Variants in CNTN5 observed in about 807,000 individuals in gnomAD.
CNTN5 encodes the protein contactin 5, also known as contactin-5.
In CNTN5, 77 loss-of-function variants were observed where a neutral mutation model predicts 129.1. The observed-to-expected ratio is 0.60, with a 90% confidence interval of 0.50 to 0.72. The LOEUF (loss-of-function observed/expected upper bound fraction) is 0.72, where lower values mean the gene tolerates loss of function less well. Among genes scored for constraint, CNTN5 ranks in the 30% least tolerant of loss-of-function variants. CNTN5 has a pLI of 0.00. For synonymous variants in CNTN5, 509 were observed against 465.6 expected (o/e 1.09, Z -1.20); for missense variants, 1,478 against 1,328.8 (o/e 1.11, Z -1.75).
At chr11:99,502,207 A>G (rs1188532506) in intron 2 of CNTN5, among the ~76,000 whole-genome samples, 5 of 152,238 alleles carry the variant, frequency 3.3e-5, no homozygotes, top group Non-Finnish European at 7.3e-5. Context: ...GAGGGTGAGA[A>G]AAACAGTACA....
intron 15 of CNTN5, among the ~76,000 whole-genome samples, chr11:100,194,788 G>A (rs1948592158): frequency 6.6e-6 from 1 of 151,856 alleles, no homozygotes; most frequent in Admixed American, 6.6e-5. Context: ...CTTAGAATTT[G>A]GTAAATGTAT....
At chr11:99,108,731 C>T (rs1857638865) in intron 1 of CNTN5, among the ~76,000 whole-genome samples, 2 of 152,018 alleles carry the variant, frequency 1.3e-5, no homozygotes, top group African/African-American at 2.4e-5. Context: ...AATTTTTTAA[C>T]ATTGACAACT....
At chr11:99,638,413 C>A (rs533322908) in intron 3 of CNTN5, among the ~76,000 whole-genome samples, 1 of 152,136 alleles carries the variant, frequency 6.6e-6, no homozygotes, top group East Asian at 1.9e-4. Context: ...CATGTCCTTG[C>A]GTTTCAAAAC....
At chr11:99,847,319 CT>C (rs1417140177) in intron 6 of CNTN5, among the ~76,000 whole-genome samples, 1 of 152,210 alleles carries the variant, frequency 6.6e-6, no homozygotes, top group Non-Finnish European at 1.5e-5. Flanking sequence ...GAAGTGATGA[CT>C]TTGGCAGCAG....
At chr11:100,114,870 T>A (rs770334348) in intron 13 of CNTN5, among the ~76,000 whole-genome samples, 1 of 152,062 alleles carries the variant, frequency 6.6e-6, no homozygotes, top group East Asian at 1.9e-4. Context: ...TACTCTCAAA[T>A]GTTTTTGTGA....
intron 6 of CNTN5, among the ~76,000 whole-genome samples, chr11:99,857,558 T>C (rs1019373063): frequency 4.6e-5 from 7 of 152,176 alleles, no homozygotes; most frequent in African/African-American, 1.7e-4. Flanking sequence ...AAATGAATAT[T>C]AATAACTATG....
intron 1 of CNTN5, among the ~76,000 whole-genome samples, chr11:99,201,845 CAT>C (rs1859224921): frequency 6.6e-6 from 1 of 152,192 alleles, no homozygotes; most frequent in Non-Finnish European, 1.5e-5. Flanking sequence ...TTAAAAGAAA[CAT>C]AGCCCTGCCA....
intron 6 of CNTN5, among the ~76,000 whole-genome samples, chr11:99,861,407 A>T (rs938718412): frequency 6.6e-6 from 1 of 152,208 alleles, no homozygotes; most frequent in South Asian, 2.1e-4. Flanking sequence ...TATTCACACA[A>T]GGCTGGTGGT....
At chr11:99,361,890 T>A (rs1014367994) in intron 2 of CNTN5, among the ~76,000 whole-genome samples, 1 of 152,154 alleles carries the variant, frequency 6.6e-6, no homozygotes, top group Non-Finnish European at 1.5e-5. Flanking sequence ...ATTCATCCAA[T>A]GAAGGACATT....
intron 18 of CNTN5, among the ~76,000 whole-genome samples, chr11:100,295,701 G>A (rs1299337023): frequency 1.3e-5 from 2 of 151,080 alleles, no homozygotes; most frequent in East Asian, 3.9e-4. Context: ...TGATGTTTTA[G>A]GGTTGAACAA....
chr11:100,039,125 T>A (rs1015887423), intron 9 of CNTN5, among the ~76,000 whole-genome samples: 1 of 152,212 alleles, frequency 6.6e-6, no homozygotes, highest in Non-Finnish European at 1.5e-5. Flanking sequence ...CCTTTCCATG[T>A]TTAGTGCTTC....
intron 3 of CNTN5, among the ~76,000 whole-genome samples, chr11:99,699,003 A>G (rs906988042): frequency 6.6e-6 from 1 of 151,218 alleles, no homozygotes; most frequent in African/African-American, 2.4e-5. Context: ...TTTTTCCTGA[A>G]TAAATGCAAA....
At chr11:99,182,720 C>T (rs923495315) in intron 1 of CNTN5, among the ~76,000 whole-genome samples, 13 of 152,122 alleles carry the variant, frequency 8.5e-5, no homozygotes, top group African/African-American at 3.1e-4. Context: ...TACTCGGGCT[C>T]CTTTATTTAG....
At chr11:99,513,982 C>A (rs994406720) in intron 2 of CNTN5, among the ~76,000 whole-genome samples, 1 of 151,906 alleles carries the variant, frequency 6.6e-6, no homozygotes, top group Non-Finnish European at 1.5e-5. Context: ...AAATTAAAAA[C>A]CTTCTTGAAA....
intron 13 of CNTN5, among the ~76,000 whole-genome samples, chr11:100,152,044 A>G (rs929442270): frequency 3.3e-5 from 5 of 152,144 alleles, no homozygotes; most frequent in Admixed American, 3.3e-4. Flanking sequence ...TTTAGTCACA[A>G]TTTTATTCCT....
intron 16 of CNTN5, among the ~76,000 whole-genome samples, chr11:100,245,071 T>C (rs1216793099): frequency 5.9e-5 from 9 of 152,128 alleles, no homozygotes; most frequent in Non-Finnish European, 1.2e-4. Context: ...ACTTAAACAA[T>C]AAAGAAATCC....
At chr11:99,190,183 T>C (rs2135589439) in intron 1 of CNTN5, among the ~76,000 whole-genome samples, 1 of 151,850 alleles carries the variant, frequency 6.6e-6, no homozygotes, top group Middle Eastern at 3.4e-3. Flanking sequence ...TTGGCACCTT[T>C]GTCAAAAATC....
chr11:99,437,199 C>T (rs1288968538), intron 2 of CNTN5, among the ~76,000 whole-genome samples: 1 of 152,166 alleles, frequency 6.6e-6, no homozygotes, highest in Admixed American at 6.5e-5. Context: ...CGGTCGCTTA[C>T]ACCATGCCAG....
chr11:99,494,524 TG>T (rs1195123461), intron 2 of CNTN5, among the ~76,000 whole-genome samples: 1 of 152,154 alleles, frequency 6.6e-6, no homozygotes, highest in African/African-American at 2.4e-5. Context: ...TTTCTTGTAA[TG>T]GGGTCCAGGA....
Sources: gnomAD v4.1 joint callset for allele counts (sites outside exome capture counted in the v4.1 genomes callset) on GRCh38, gnomAD v4.1.1 for gene constraint, MANE v1.5 for transcripts, NCBI Gene and HGNC (gene_info 2026-07-23, HGNC 2026-07-21) for gene names.